Variants in XPO4 observed in about 807,000 individuals in gnomAD.
The protein encoded by XPO4 is exportin 4.
A neutral mutation model predicts 143.0 loss-of-function variants in XPO4; 39 were observed. The observed-to-expected ratio is 0.27, with a 90% CI of 0.21 to 0.36. The LOEUF is 0.36. Among genes scored for constraint, XPO4 ranks in the 10% least tolerant of loss-of-function variants. XPO4 has a pLI of 1.00. For synonymous variants in XPO4, 439 were observed against 474.0 expected, an observed-to-expected ratio of 0.93 and a Z score of 0.96; for missense variants, 907 against 1,348.0, an observed-to-expected ratio of 0.67 and a Z score of 5.12.
intron 1 of XPO4, 115 bp downstream of exon 1, chr13:20,902,555 C>G (rs1271431194): frequency 6.0e-6 from 8 of 1,332,154 alleles, no homozygotes; most frequent in Non-Finnish European, 7.7e-6. Context: ...TCCTCCACTT[C>G]CAGGCTCCCT....
intron 7 of XPO4, among the ~76,000 whole-genome samples, chr13:20,825,585 C>T (rs1484269860): frequency 6.6e-6 from 1 of 152,184 alleles, no homozygotes; most frequent in Admixed American, 6.5e-5. Flanking sequence ...TTTGTCTAGA[C>T]AGCTGTTCAG....
Position 20,778,210 on chromosome 13 carries a change from G to A in XPO4, c.*5512C>T, listed in dbSNP as rs1393616550. The A allele has an allele frequency of 6.6e-6, 1 of 152,106 alleles. No individual in the cohort carries two copies. Among genetic ancestry groups the A allele is most frequent in the Admixed American group, 6.5e-5 (1 of 15,284 alleles). 9.4% of individuals were successfully genotyped at this position (152,106 alleles called of 1,614,324 possible). Reference sequence around the variant, plus strand: ...TGACAGATGATTAGCCTGTGTGTATGGCCCCACACTTGGTAATGAAAGAAA... The same window carrying A: ...TGACAGATGATTAGCCTGTGTGTATAGCCCCACACTTGGTAATGAAAGAAA... On this transcript the variant is annotated 3_prime_UTR_variant, in exon 23 of 23. Transcript: ENST00000255305.
intron 18 of XPO4, among the ~76,000 whole-genome samples, chr13:20,794,889 T>C (rs983956395): frequency 3.3e-5 from 5 of 151,018 alleles, no homozygotes; most frequent in African/African-American, 9.7e-5. Context: ...CTTTTCAGAC[T>C]ATCTCACCTT....
chr13:20,810,632 A>G (rs2059569855), intron 9 of XPO4, among the ~76,000 whole-genome samples: 1 of 152,188 alleles, frequency 6.6e-6, no homozygotes, highest in South Asian at 2.1e-4. Context: ...TACAAAGGAA[A>G]CACATGTGGG....
At chr13:20,844,201 A>C (rs2060007606) in intron 4 of XPO4, among the ~76,000 whole-genome samples, 2 of 152,200 alleles carry the variant, frequency 1.3e-5, no homozygotes, top group Admixed American at 1.3e-4. Context: ...ATAAATGTTG[A>C]AGGTATTATT....
chr13:20,864,567 A>C (rs2060228359), intron 2 of XPO4, among the ~76,000 whole-genome samples: 1 of 152,212 alleles, frequency 6.6e-6, no homozygotes, highest in Non-Finnish European at 1.5e-5. Flanking sequence ...CATGGCTGGT[A>C]AATGTTCCTT....
chr13:20,872,511 C>T (rs1193238322), intron 1 of XPO4, among the ~76,000 whole-genome samples: 2 of 152,102 alleles, frequency 1.3e-5, no homozygotes, highest in Non-Finnish European at 2.9e-5. Flanking sequence ...TAGCAACTAA[C>T]ATTTATTGAG....
chr13:20,796,292 G>T (rs1595062174), intron 17 of XPO4, 36 bp from the exon 18 acceptor site: 1 of 1,459,640 alleles, frequency 6.9e-7, no homozygotes, highest in South Asian at 1.5e-5. Flanking sequence ...TATGCTACTT[G>T]GTACACTGAC....
chr13:20,790,467 A>T lies in XPO4; in HGVS notation c.2911T>A (p.Leu971Met). The T allele has an allele frequency of 6.2e-7, 1 of 1,612,242 alleles. No individual in the cohort carries two copies. Among genetic ancestry groups the T allele is most frequent in the Non-Finnish European group, 8.5e-7 (1 of 1,178,270 alleles). Residue 971 changes from leucine to methionine, a missense_variant, in exon 19 of 23, where the codon TTG becomes ATG. Coordinates refer to ENST00000255305, the MANE Select transcript of XPO4 (RefSeq NM_022459.5). ...LILPLMSQDL[L>M]KFPTLCNQYY... ...CATTCAATTTCATTAATTACCTTCAAGAGATCCTGTGACATCAAGGGCAGA... is the reference window on the plus strand; with the variant it reads ...CATTCAATTTCATTAATTACCTTCATGAGATCCTGTGACATCAAGGGCAGA...
chr13:20,781,108 A>C lies in XPO4; in HGVS notation c.*2614T>G, dbSNP rs769317758. On this transcript the variant is annotated 3_prime_UTR_variant, in exon 23 of 23. Transcript: ENST00000255305. ...ACTTGACAGTGTCCCTTTGACATAT[A>C]TAAAAGAGGGCACAAATAATGTTTT... 2 of 152,230 alleles carry C rather than the reference A, an allele frequency of 1.3e-5. No homozygotes were observed. The highest frequency in any genetic ancestry group is 2.4e-5 in the African/African-American group (1 of 41,450). The allele number at this position is 152,230 out of a possible 1,614,324, so 9.4% of individuals were successfully genotyped here. A position where few individuals can be genotyped will look rare whatever the true frequency, so the allele number is the denominator to read the frequency against.
At chr13:20,839,113 A>C (rs1358926146) in intron 6 of XPO4, among the ~76,000 whole-genome samples, 1 of 152,044 alleles carries the variant, frequency 6.6e-6, no homozygotes, top group East Asian at 1.9e-4. Flanking sequence ...AAAAATACAA[A>C]ACTAGCAGGG....
chr13:20,880,736 T>G (rs375625630), intron 1 of XPO4, among the ~76,000 whole-genome samples: 1 of 151,906 alleles, frequency 6.6e-6, no homozygotes, highest in African/African-American at 2.4e-5. Flanking sequence ...GTGGGTGGAT[T>G]GCTTGAGTTC....
chr13:20,849,720 A>G (rs2060064593), intron 4 of XPO4: 1 of 984,738 alleles, frequency 1.0e-6, no homozygotes, highest in Non-Finnish European at 1.2e-6. Context: ...TAATCTTTCC[A>G]TAAAACTATC....
At chr13:20,900,854 C>T (rs760373538) in intron 1 of XPO4, among the ~76,000 whole-genome samples, 7 of 152,086 alleles carry the variant, frequency 4.6e-5, no homozygotes, top group East Asian at 1.9e-4. Flanking sequence ...TTTAGTGATC[C>T]GCCCACCTCG....
At chr13:20,848,871 T>C (rs2060055777) in intron 4 of XPO4, 2 of 984,834 alleles carry the variant, frequency 2.0e-6, no homozygotes, top group Non-Finnish European at 1.2e-6. Flanking sequence ...GTCAAAGTTA[T>C]AAAAAAAAGT....
Position 20,799,941 on chromosome 13 carries a change from A to G in XPO4, c.2147+215T>C, listed in dbSNP as rs915703768. On this transcript the variant is annotated intron_variant, in intron 15 of 22. Coordinates refer to ENST00000255305, the MANE Select transcript of XPO4 (RefSeq NM_022459.5). Reference sequence around the variant, plus strand: ...TTTGATGCCAAATCCTGAAGGAGTCAATGTAATGCTCAATTATAAGATGGG... The same window carrying G: ...TTTGATGCCAAATCCTGAAGGAGTCGATGTAATGCTCAATTATAAGATGGG... Among the ~76,000 whole-genome samples the G allele has an allele frequency of 5.3e-5, 8 of 152,230 alleles. No homozygotes were observed. The South Asian group carries it at 1.0e-3, about 20-fold the overall frequency.
At chr13:20,788,004 G>A (rs1320479186) in intron 20 of XPO4, among the ~76,000 whole-genome samples, 5 of 151,878 alleles carry the variant, frequency 3.3e-5, no homozygotes, top group Non-Finnish European at 5.9e-5. Flanking sequence ...GCAAACTAAC[G>A]AAAGAAACAC....
At chr13:20,901,520 G>C (rs562614240) in intron 1 of XPO4, among the ~76,000 whole-genome samples, 2 of 152,310 alleles carry the variant, frequency 1.3e-5, no homozygotes, top group South Asian at 4.2e-4. Context: ...ATTTGCAAAA[G>C]TGTGAAAACC....
rs1277247115 is a variant in XPO4, at chr13:20,804,223, T to TAC, written c.1817+3232_1817+3233dup. ...TATATATACACACATTATATATATATACACACACACATTATATATATATAT... is the reference window on the plus strand; with the variant it reads ...TATATATACACACATTATATATATATACACACACACACATTATATATATATAT... On this transcript the variant is annotated intron_variant, in intron 13 of 22. Coordinates refer to ENST00000255305, the MANE Select transcript of XPO4 (RefSeq NM_022459.5). Among the ~76,000 whole-genome samples the TAC allele has an allele frequency of 4.7e-3, 707 of 150,746 alleles. 6 individuals carry two copies. Among genetic ancestry groups the TAC allele is most frequent in the African/African-American group, 0.015 (633 of 41,024 alleles).
Sources: gnomAD v4.1 joint callset for allele counts (sites outside exome capture counted in the v4.1 genomes callset) on GRCh38, gnomAD v4.1.1 for gene constraint, MANE v1.5 for transcripts, NCBI Gene and HGNC (gene_info 2026-07-23, HGNC 2026-07-21) for gene names.